Variants in GPCPD1 observed in about 807,000 individuals in gnomAD.
The protein encoded by GPCPD1 is glycerophosphocholine phosphodiesterase 1, also known as glycerophosphocholine phosphodiesterase GPCPD1.
A neutral mutation model predicts 89.2 loss-of-function variants in GPCPD1; 29 were observed. That is an observed-to-expected ratio of 0.33 (90% CI 0.24 to 0.44). The LOEUF (loss-of-function observed/expected upper bound fraction) is 0.44, where lower values mean the gene tolerates loss of function less well. GPCPD1 is among the 20% of genes least tolerant of loss of function. The pLI, the probability that GPCPD1 is intolerant of heterozygous loss-of-function variation, is 1.00. For missense variants in GPCPD1, 594 were observed against 808.9 expected (o/e 0.73, Z 3.22); for synonymous variants, 258 against 266.3 (o/e 0.97, Z 0.30).
chr20:5,580,541 C>G (rs142345040), intron 6 of GPCPD1, among the ~76,000 whole-genome samples: 3 of 151,718 alleles, frequency 2.0e-5, no homozygotes, highest in South Asian at 2.1e-4. Context: ...CTGGCTAACA[C>G]GGTGAAGCCC....
At chr20:5,580,447 C>T (rs566127099) in intron 6 of GPCPD1, among the ~76,000 whole-genome samples, 10 of 152,060 alleles carry the variant, frequency 6.6e-5, no homozygotes, top group South Asian at 2.1e-4. Context: ...ATAGGCCGGG[C>T]GGGCATGGTG....
intron 7 of GPCPD1, among the ~76,000 whole-genome samples, chr20:5,579,171 C>T (rs1373535543): frequency 6.6e-6 from 1 of 151,920 alleles, no homozygotes; most frequent in African/African-American, 2.4e-5. Flanking sequence ...GGTGACACGG[C>T]CAGACCCTCT....
intron 4 of GPCPD1, among the ~76,000 whole-genome samples, chr20:5,590,358 C>G (rs572874529): frequency 3.6e-4 from 55 of 151,488 alleles, no homozygotes; most frequent in African/African-American, 1.3e-3. Context: ...CTGGCTAACA[C>G]GGCAAAACCC....
chr20:5,595,924 G>A (rs1043790769), intron 3 of GPCPD1, among the ~76,000 whole-genome samples: 29 of 151,996 alleles, frequency 1.9e-4, no homozygotes, highest in Non-Finnish European at 3.8e-4. Context: ...ACGTGCTGCC[G>A]CCTCTCCCTC....
At chr20:5,549,429 C>T in intron 19 of GPCPD1, 1 of 1,208,266 alleles carries the variant, frequency 8.3e-7, no homozygotes, top group Non-Finnish European at 1.2e-6. Context: ...CAGTCCCATG[C>T]AGACACAGCT....
chr20:5,561,578 C>A, intron 15 of GPCPD1, 48 bp from the exon 16 acceptor site: 1 of 893,776 alleles, frequency 1.1e-6, no homozygotes, highest in East Asian at 2.5e-5. Flanking sequence ...AGATGGATAG[C>A]AGAATAAGAA....
At chr20:5,597,949 A>T (rs1207856690) in intron 3 of GPCPD1, among the ~76,000 whole-genome samples, 1 of 152,218 alleles carries the variant, frequency 6.6e-6, no homozygotes. Flanking sequence ...ACTTCAAGGA[A>T]ATACTTTTAT....
chr20:5,589,002 G>T (rs6133235), intron 4 of GPCPD1, among the ~76,000 whole-genome samples: 37,260 of 151,876 alleles, frequency 0.25, 5,001 homozygotes, highest in East Asian at 0.43. Flanking sequence ...TAATCCTTTG[G>T]ATTAAATTTG....
chr20:5,585,070 A>G (rs1978821073), intron 5 of GPCPD1: 1 of 152,222 alleles, frequency 6.6e-6, no homozygotes, highest in African/African-American at 2.4e-5. Flanking sequence ...TATATTTCTC[A>G]AAAGTATACA....
chr20:5,561,789 A>G (rs1986096714), intron 15 of GPCPD1, among the ~76,000 whole-genome samples: 1 of 152,242 alleles, frequency 6.6e-6, no homozygotes. Flanking sequence ...GACAAACACA[A>G]AGATGGTCCT....
chr20:5,571,781 C>A (rs1329687424), intron 11 of GPCPD1, among the ~76,000 whole-genome samples: 2 of 151,976 alleles, frequency 1.3e-5, no homozygotes, highest in African/African-American at 4.8e-5. Context: ...TGGTGGCAAA[C>A]GCCTGTAATC....
chr20:5,606,449 T>C (rs560345363), intron 1 of GPCPD1, among the ~76,000 whole-genome samples: 8 of 152,322 alleles, frequency 5.3e-5, no homozygotes, highest in African/African-American at 1.9e-4. Flanking sequence ...ACATAGTCAT[T>C]TTTCTAGTTC....
chr20:5,576,040 TACACACACACACACAC>T (rs36119025), intron 8 of GPCPD1, 62 bp from the exon 9 acceptor site: 1 of 602,786 alleles, frequency 1.7e-6, no homozygotes, highest in Admixed American at 2.5e-5. Context: ...TACATACATA[TACACACACACACACAC>T]ACACAGACAC....
intron 15 of GPCPD1, among the ~76,000 whole-genome samples, chr20:5,563,496 C>T (rs1255471729): frequency 3.3e-5 from 5 of 152,076 alleles, no homozygotes; most frequent in African/African-American, 1.2e-4. Flanking sequence ...AAAAGTTATA[C>T]AAATTACATT....
At chr20:5,573,615 A>T (rs1986842318) in intron 11 of GPCPD1, among the ~76,000 whole-genome samples, 1 of 152,188 alleles carries the variant, frequency 6.6e-6, no homozygotes, top group South Asian at 2.1e-4. Flanking sequence ...ATGGTGGCAC[A>T]TGCCTCTAGT....
At chr20:5,569,367 T>G (rs185251390) in intron 12 of GPCPD1, among the ~76,000 whole-genome samples, 89 of 152,290 alleles carry the variant, frequency 5.8e-4, no homozygotes, top group African/African-American at 2.0e-3. Flanking sequence ...TTTTAGAGTC[T>G]AAGTCCCCGA....
In GPCPD1 at chr20:5,580,124, A is replaced by G. The variant is rs1318965790; in HGVS notation, c.357T>C (p.Val119=). Residue 119 remains valine (V), a synonymous_variant, in exon 7 of 20, where the codon GTT becomes GTC. Coordinates refer to ENST00000379019, the MANE Select transcript of GPCPD1 (RefSeq NM_019593.5). ...DDGQFGIHNG[V]ETLDSGWLTC... The stretch of plus-strand genomic sequence containing the variant: ...TCAGCCATCCAGAATCCAGAGTTTC[A>G]ACACCATCTGACAGAATAAATATGA... 6.8e-7 allele frequency: 1 copy of G among 1,473,270 alleles called. No individual in the cohort carries two copies. Among genetic ancestry groups the G allele is most frequent in the South Asian group, 1.2e-5 (1 of 86,204 alleles). 91.3% of individuals were successfully genotyped at this position (1,473,270 alleles called of 1,614,324 possible). A position where few individuals can be genotyped will look rare whatever the true frequency, so the allele number is the denominator to read the frequency against.
chr20:5,598,880 G>A, intron 2 of GPCPD1, 59 bp from the exon 3 acceptor site: 1 of 1,087,644 alleles, frequency 9.2e-7, no homozygotes, highest in Admixed American at 1.8e-5. Context: ...AGTGGGATAA[G>A]CAGGGAAGTT....
In GPCPD1 at chr20:5,598,803, C is replaced by T; in HGVS notation, c.68G>A (p.Cys23Tyr). Residue 23 changes from cysteine (C) to tyrosine (Y), a missense_variant, in exon 3 of 20, where the codon TGT becomes TAT. By Grantham distance (194) the Cys-to-Tyr change is radical. Coordinates refer to ENST00000379019, the MANE Select transcript of GPCPD1 (RefSeq NM_019593.5). ...TLLPGEVFAI[C>Y]GSCDALGNWN... is the part of the protein sequence containing the mutation. ...GTTTCCCAAAGCATCACAGCTTCCA[C>T]ATATCGCAAAAACTTCTCCTAAAGA... 1 of 1,611,194 alleles carries T rather than the reference C, an allele frequency of 6.2e-7. No individual in the cohort carries two copies. Among genetic ancestry groups the T allele is most frequent in the Non-Finnish European group, 8.5e-7 (1 of 1,177,346 alleles).
Sources: allele counts gnomAD v4.1 joint callset (sites outside exome capture counted in the v4.1 genomes callset), GRCh38; gene constraint gnomAD v4.1.1; transcripts MANE v1.5; gene names NCBI Gene and HGNC (gene_info 2026-07-23, HGNC 2026-07-21).